PXDN: variants seen among roughly 807,000 people sequenced by gnomAD.
PXDN encodes peroxidasin.
In PXDN, 77 loss-of-function variants were observed where a neutral mutation model predicts 140.3. That is an observed-to-expected ratio of 0.55 (90% CI 0.46 to 0.66). The LOEUF (loss-of-function observed/expected upper bound fraction) is 0.66. PXDN is among the 30% of genes least tolerant of loss of function. The probability of loss-of-function intolerance (pLI) is 0.00; values close to 1 mark genes in which losing one functional copy is unlikely to be tolerated. For synonymous variants in PXDN, 911 were observed against 857.4 expected, an observed-to-expected ratio of 1.06 and a Z score of -1.09; for missense variants, 1,838 against 2,039.5, an observed-to-expected ratio of 0.90 and a Z score of 1.90.
At chr2:1,692,463 C>G (rs1041858761) in intron 2 of PXDN, 38 of 470,990 alleles carry the variant, frequency 8.1e-5, no homozygotes, top group African/African-American at 7.4e-4. Flanking sequence ...GGGCCACTTG[C>G]CCTCCAGGGT....
At chr2:1,737,910 ATATC>A (rs758604031) in intron 1 of PXDN, among the ~76,000 whole-genome samples, 20 of 152,328 alleles carry the variant, frequency 1.3e-4, no homozygotes, top group Non-Finnish European at 2.2e-4. Context: ...ATTTAGAAAA[ATATC>A]TATCAACCAG....
intron 3 of PXDN, among the ~76,000 whole-genome samples, chr2:1,688,870 G>A (rs1298134239): frequency 1.3e-5 from 2 of 149,600 alleles, no homozygotes; most frequent in Non-Finnish European, 3.0e-5. Flanking sequence ...GAAGGGCCGA[G>A]TGTTTGATTG....
chr2:1,699,649 G>A (rs1027630062), intron 1 of PXDN, among the ~76,000 whole-genome samples: 1 of 152,208 alleles, frequency 6.6e-6, no homozygotes, highest in African/African-American at 2.4e-5. Flanking sequence ...GGTGGAGGTT[G>A]CAGTGAGCCA....
chr2:1,688,208 GC>G, intron 3 of PXDN, among the ~76,000 whole-genome samples: 1 of 152,320 alleles, frequency 6.6e-6, no homozygotes, highest in Admixed American at 6.5e-5. Context: ...TACTGGAAGA[GC>G]CACACAATTG....
intron 21 of PXDN, among the ~76,000 whole-genome samples, chr2:1,637,990 T>G (rs922740156): frequency 2.6e-5 from 4 of 152,048 alleles, no homozygotes; most frequent in Non-Finnish European, 5.9e-5. Flanking sequence ...GACCTGCAGC[T>G]GCACGGGATG....
At chr2:1,662,458 C>T (rs1683327747) in intron 12 of PXDN, among the ~76,000 whole-genome samples, 1 of 152,236 alleles carries the variant, frequency 6.6e-6, no homozygotes, top group African/African-American at 2.4e-5. Flanking sequence ...CAGACAGCCG[C>T]AGGGTCCAGG....
At chr2:1,697,772 C>T (rs535489759) in intron 1 of PXDN, among the ~76,000 whole-genome samples, 2 of 152,134 alleles carry the variant, frequency 1.3e-5, no homozygotes, top group Non-Finnish European at 2.9e-5. Context: ...GCAGATGTGG[C>T]GGCGTGGTCC....
chr2:1,708,032 AG>A (rs1558519348), intron 1 of PXDN, among the ~76,000 whole-genome samples: 1 of 152,160 alleles, frequency 6.6e-6, no homozygotes, highest in African/African-American at 2.4e-5. Flanking sequence ...CCCGAGAACA[AG>A]GGGGGCACGC....
intron 1 of PXDN, among the ~76,000 whole-genome samples, chr2:1,729,431 G>C (rs1231575442): frequency 1.3e-5 from 2 of 152,110 alleles, no homozygotes; most frequent in African/African-American, 4.8e-5. Flanking sequence ...CCACTGCTCA[G>C]CTACAGAGAA....
intron 19 of PXDN, among the ~76,000 whole-genome samples, chr2:1,641,094 T>A (rs1682717608): frequency 6.6e-6 from 1 of 152,252 alleles, no homozygotes; most frequent in African/African-American, 2.4e-5. Context: ...GTTGTAGGCA[T>A]CAACGAAGCA....
intron 1 of PXDN, 148 bp downstream of exon 1, chr2:1,744,108 G>T: frequency 2.1e-6 from 2 of 938,478 alleles, no homozygotes; most frequent in African/African-American, 1.8e-5. Context: ...CCCTTCGGAG[G>T]TTCCCTTCTG....
chr2:1,641,445 G>GC (rs977192055), intron 19 of PXDN, among the ~76,000 whole-genome samples: 10 of 152,260 alleles, frequency 6.6e-5, no homozygotes, highest in Admixed American at 2.0e-4. Context: ...CCACCGCCCA[G>GC]CCCCCAATGT....
chr2:1,742,422 CGAT>C (rs1685567476), intron 1 of PXDN, among the ~76,000 whole-genome samples: 1 of 152,168 alleles, frequency 6.6e-6, no homozygotes, highest in Admixed American at 6.5e-5. Context: ...TGCGAGTGGA[CGAT>C]GATGTCACCC....
rs535660501 is a variant in PXDN, at chr2:1,670,548, A to G, written c.1018+3095T>C. 1.6e-4 allele frequency among the ~76,000 whole-genome samples: 24 copies of G among 152,316 alleles called. No homozygotes were observed. The South Asian group carries it at 4.8e-3, about 30-fold the overall frequency. ...AATATGTAAGCTGTGTTAATCAAAT[A>G]TTTAAGTATAAATTATAAAAAATAC... is the stretch of plus-strand genomic sequence containing the variant. On this transcript the variant is annotated intron_variant, in intron 9 of 22. Coordinates refer to ENST00000252804, the MANE Select transcript of PXDN (RefSeq NM_012293.3).
At chr2:1,690,216 CTT>C (rs990877873) in intron 3 of PXDN, among the ~76,000 whole-genome samples, 1 of 152,186 alleles carries the variant, frequency 6.6e-6, no homozygotes, top group Non-Finnish European at 1.5e-5. Context: ...CTGCCCTGGT[CTT>C]TAGTCCGTTT....
Position 1,638,891 on chromosome 2 carries a change from C to T in PXDN, c.4161G>A (p.Glu1387=), listed in dbSNP as rs1682641130. 6.8e-6 allele frequency: 11 copies of T among 1,613,918 alleles called. No homozygotes were observed. The highest frequency in any genetic ancestry group is 9.3e-6 in the Non-Finnish European group (11 of 1,179,888). ...SDASGTNDFR[E]FVLEMQKTIT... The stretch of plus-strand genomic sequence containing the variant: ...TGGTCTTCTGCATTTCCAGAACAAA[C>T]TCTCTGAAGTCATTTGTCCCAGATG... The change falls in exon 21 of 23, where the codon GAG becomes GAA. Residue 1387 remains glutamate (E), a synonymous_variant. Coordinates refer to ENST00000252804, the MANE Select transcript of PXDN (RefSeq NM_012293.3).
intron 1 of PXDN, among the ~76,000 whole-genome samples, chr2:1,729,597 G>A (rs11127324): frequency 0.23 from 34,307 of 151,734 alleles, 4,430 homozygotes; most frequent in East Asian, 0.61. Context: ...AAGTCTACAC[G>A]TTGGATACAG....
Position 1,680,224 on chromosome 2 carries a change from C to T in PXDN, c.699G>A (p.Val233=). 6.3e-7 allele frequency: 1 copy of T among 1,597,458 alleles called. No homozygotes were observed. The part of the protein sequence containing the change: ...EYPRRIQGRS[V]ATITPEELNC... ...TCAGCTCTTCCGGGGTGATGGTTGC[C>T]ACTGAGCGTCCCTGGATGCGTCTGG... Residue 233 remains valine (V), a synonymous_variant, in exon 7 of 23, where the codon GTG becomes GTA. Coordinates refer to ENST00000252804, the MANE Select transcript of PXDN (RefSeq NM_012293.3).
chr2:1,664,131 C>A (rs1367853710), intron 11 of PXDN: 3 of 203,724 alleles, frequency 1.5e-5, no homozygotes, highest in Non-Finnish European at 3.0e-5. Context: ...CCAGCAAGTT[C>A]CTTTCCGGGA....
Sources: allele counts gnomAD v4.1 joint callset (sites outside exome capture counted in the v4.1 genomes callset), GRCh38; gene constraint gnomAD v4.1.1; transcripts MANE v1.5; gene names NCBI Gene and HGNC (gene_info 2026-07-23, HGNC 2026-07-21).